CSMD1: variants seen among roughly 807,000 people sequenced by gnomAD.
CSMD1 encodes the protein CUB and sushi domain-containing protein 1.
In CSMD1, 213 loss-of-function variants were observed where a neutral mutation model predicts 417.5. The observed-to-expected ratio is 0.51, with a 90% CI of 0.46 to 0.57. The LOEUF (loss-of-function observed/expected upper bound fraction) is 0.57, where lower values mean the gene tolerates loss of function less well. Among genes scored for constraint, CSMD1 ranks in the 20% least tolerant of loss-of-function variants. The probability of loss-of-function intolerance (pLI) is 0.00; values close to 1 mark genes in which losing one functional copy is unlikely to be tolerated. For missense variants in CSMD1, 6,923 were observed against 4,529.7 expected, an observed-to-expected ratio of 1.53 and a Z score of -15.17; for synonymous variants, 2,862 against 1,736.8, an observed-to-expected ratio of 1.65 and a Z score of -16.11.
intron 3 of CSMD1, among the ~76,000 whole-genome samples, chr8:4,328,157 C>G (rs983221001): frequency 7.9e-5 from 12 of 151,968 alleles, no homozygotes; most frequent in African/African-American, 2.9e-4. Context: ...TGTTAAATGC[C>G]TCATTCGAGG....
chr8:4,330,602 A>G (rs1464301325), intron 3 of CSMD1, among the ~76,000 whole-genome samples: 2 of 151,592 alleles, frequency 1.3e-5, no homozygotes, highest in Admixed American at 6.6e-5. Flanking sequence ...AAAAAAAAAA[A>G]GTATTTTGTA....
intron 3 of CSMD1, among the ~76,000 whole-genome samples, chr8:4,385,418 G>A (rs1230644107): frequency 1.3e-5 from 2 of 152,150 alleles, no homozygotes; most frequent in Non-Finnish European, 2.9e-5. Flanking sequence ...ACTTGCTACA[G>A]CACTGATTTC....
intron 5 of CSMD1, among the ~76,000 whole-genome samples, chr8:3,899,488 A>G (rs1261669504): frequency 6.6e-6 from 1 of 152,178 alleles, no homozygotes; most frequent in Non-Finnish European, 1.5e-5. Flanking sequence ...GGTAGAAACT[A>G]GACCTGGAAG....
At chr8:4,385,119 G>A (rs547613065) in intron 3 of CSMD1, among the ~76,000 whole-genome samples, 12 of 151,886 alleles carry the variant, frequency 7.9e-5, no homozygotes, top group African/African-American at 2.7e-4. Flanking sequence ...AAGAGACGGT[G>A]TTTCACCATG....
At chr8:3,469,615 A>G (rs1050971949) in intron 11 of CSMD1, among the ~76,000 whole-genome samples, 1 of 152,220 alleles carries the variant, frequency 6.6e-6, no homozygotes, top group African/African-American at 2.4e-5. Context: ...AAGAAAATCA[A>G]TTCAACCAAA....
intron 26 of CSMD1, among the ~76,000 whole-genome samples, chr8:3,257,367 C>A (rs1413626032): frequency 3.9e-5 from 6 of 152,234 alleles, no homozygotes; most frequent in Admixed American, 3.9e-4. Context: ...CATGTCAGTT[C>A]TACTCACTTG....
At chr8:3,871,141 A>T (rs1338766480) in intron 5 of CSMD1, among the ~76,000 whole-genome samples, 1 of 152,114 alleles carries the variant, frequency 6.6e-6, no homozygotes, top group Non-Finnish European at 1.5e-5. Context: ...AAAACAAGTA[A>T]TACCTCACTC....
chr8:4,427,714 A>C (rs1007546025), intron 2 of CSMD1, among the ~76,000 whole-genome samples: 2 of 152,186 alleles, frequency 1.3e-5, no homozygotes, highest in African/African-American at 4.8e-5. Flanking sequence ...TCTATTCAGC[A>C]TATCACTAAT....
chr8:3,389,109 T>C (rs548553388), intron 17 of CSMD1, among the ~76,000 whole-genome samples: 3 of 152,316 alleles, frequency 2.0e-5, no homozygotes, highest in Non-Finnish European at 4.4e-5. Flanking sequence ...TTTTTTGTTG[T>C]TGTTGTTTGT....
In CSMD1 at chr8:3,110,142, T is replaced by G. The variant is rs368332151; in HGVS notation, c.6608+16A>C. The G allele has an allele frequency of 1.2e-5, 19 of 1,583,302 alleles. 1 individual carries two copies. In the South Asian group the frequency reaches 2.0e-4, roughly 16 times the overall value. Reference sequence around the variant, plus strand: ...GATCACAATTACAGATATTTTGACTTGAGAGGTTCTCATACCAAACAGCAA... The same window carrying G: ...GATCACAATTACAGATATTTTGACTGGAGAGGTTCTCATACCAAACAGCAA... On this transcript the variant is annotated intron_variant, in intron 43 of 69. Coordinates refer to ENST00000635120, the MANE Select transcript of CSMD1 (RefSeq NM_033225.6).
At chr8:4,708,219 A>C (rs536089674) in intron 1 of CSMD1, among the ~76,000 whole-genome samples, 34 of 152,230 alleles carry the variant, frequency 2.2e-4, no homozygotes, top group African/African-American at 8.2e-4. Context: ...TAAAGTGCTG[A>C]GATTACAGGC....
chr8:3,523,432 G>A (rs576043595), intron 10 of CSMD1, among the ~76,000 whole-genome samples: 1 of 152,326 alleles, frequency 6.6e-6, no homozygotes, highest in Non-Finnish European at 1.5e-5. Flanking sequence ...CCTAGATGCA[G>A]AAACTGAGCC....
chr8:4,456,389 G>A (rs1652553), intron 2 of CSMD1, among the ~76,000 whole-genome samples: 1,961 of 152,214 alleles, frequency 0.013, 38 homozygotes, highest in African/African-American at 0.043. Flanking sequence ...AAATAGCTAG[G>A]TATCAAAGAC....
chr8:4,768,284 G>A (rs997902881), intron 1 of CSMD1, among the ~76,000 whole-genome samples: 1 of 151,884 alleles, frequency 6.6e-6, no homozygotes, highest in Non-Finnish European at 1.5e-5. Flanking sequence ...GAGAGCACAG[G>A]TAAGAACCCA....
intron 7 of CSMD1, among the ~76,000 whole-genome samples, chr8:3,687,635 C>T (rs999295959): frequency 2.0e-5 from 3 of 152,174 alleles, no homozygotes; most frequent in Non-Finnish European, 4.4e-5. Flanking sequence ...GCACTGTGCC[C>T]TTGTTCATTT....
intron 5 of CSMD1, among the ~76,000 whole-genome samples, chr8:3,837,095 T>C (rs150646997): frequency 1.3e-5 from 2 of 151,814 alleles, no homozygotes; most frequent in African/African-American, 2.4e-5. Flanking sequence ...AACGCTACCA[T>C]TGAGTAGATT....
intron 2 of CSMD1, among the ~76,000 whole-genome samples, chr8:4,495,925 C>G (rs907368062): frequency 6.6e-6 from 1 of 152,106 alleles, no homozygotes; most frequent in African/African-American, 2.4e-5. Context: ...AGGATAAATT[C>G]TATATGGCAA....
intron 6 of CSMD1, among the ~76,000 whole-genome samples, chr8:3,745,340 C>T (rs1430802931): frequency 1.3e-5 from 2 of 152,150 alleles, no homozygotes; most frequent in East Asian, 3.9e-4. Flanking sequence ...TCTCATGAGC[C>T]TTTAAAAACT....
chr8:4,312,748 C>G (rs1480026105), intron 3 of CSMD1, among the ~76,000 whole-genome samples: 3 of 152,048 alleles, frequency 2.0e-5, no homozygotes, highest in African/African-American at 7.2e-5. Context: ...GTGGCAGATA[C>G]CTGTAATCCC....
Sources: gnomAD v4.1 joint callset for allele counts (sites outside exome capture counted in the v4.1 genomes callset) on GRCh38, gnomAD v4.1.1 for gene constraint, MANE v1.5 for transcripts, NCBI Gene and HGNC (gene_info 2026-07-23, HGNC 2026-07-21) for gene names.